Variants in CPVL observed in about 807,000 individuals in gnomAD.
The protein encoded by CPVL is probable serine carboxypeptidase CPVL.
CPVL carries 51 observed loss-of-function variants against 63.7 expected under a neutral mutation model. The observed-to-expected ratio is 0.80, with a 90% CI of 0.64 to 1.01. The LOEUF (loss-of-function observed/expected upper bound fraction) is 1.01. CPVL is among the 50% of genes least tolerant of loss of function. The pLI, the probability that CPVL is intolerant of heterozygous loss-of-function variation, is 0.00. For missense variants in CPVL, 530 were observed against 573.1 expected (o/e 0.92, Z 0.77); for synonymous variants, 195 against 206.0 (o/e 0.95, Z 0.46).
rs73091938 is a variant in CPVL, at chr7:29,029,350, C to T, written c.1320+1227G>A. 2.8e-3 allele frequency among the ~76,000 whole-genome samples: 429 copies of T among 152,270 alleles called. 1 individual carries two copies. The highest frequency in any genetic ancestry group is 9.7e-3 in the African/African-American group (404 of 41,556). The stretch of plus-strand genomic sequence containing the variant: ...TCAGTATATTAAAGGAATATCTGCA[C>T]GCCATGTTTATCATAGTACTATTCA... On this transcript the variant is annotated intron_variant, in intron 12 of 12. Transcript: ENST00000265394.
At chr7:29,031,384 G>C (rs936716085) in intron 11 of CPVL, among the ~76,000 whole-genome samples, 6 of 152,088 alleles carry the variant, frequency 3.9e-5, no homozygotes, top group African/African-American at 1.4e-4. Flanking sequence ...TTTCTTCCTA[G>C]AATACAATTT....
At chr7:29,148,985 G>T (rs1793177763), upstream of CPVL, among the ~76,000 whole-genome samples, 1 of 152,054 alleles carries the variant, frequency 6.6e-6, no homozygotes, top group Admixed American at 6.6e-5. Context: ...GGCAGCACAG[G>T]CAATGAGCAG....
upstream of CPVL, chr7:29,146,924 A>G: frequency 6.4e-7 from 1 of 1,551,200 alleles, no homozygotes; most frequent in Non-Finnish European, 8.7e-7. Context: ...AAGGCAACAC[A>G]CGTTCGCTGA....
In CPVL at chr7:29,092,626, T is replaced by C. The variant is rs1315559852; in HGVS notation, c.539A>G (p.Tyr180Cys). The C allele has an allele frequency of 1.2e-6, 2 of 1,611,064 alleles. No individual in the cohort carries two copies. Among genetic ancestry groups the C allele is most frequent in the Non-Finnish European group, 1.7e-6 (2 of 1,177,312 alleles). The part of the protein sequence containing the change: ...VNEDDVARDL[Y>C]SALIQFFQIF... ...AGAGAAAGCAGGAGCATTTTACCTG[T>C]ATAAATCCCGTGCTACATCGTCCTC... is the stretch of plus-strand genomic sequence containing the variant. Residue 180 changes from tyrosine (Y) to cysteine (C), a missense_variant, in exon 6 of 13, where the codon TAC (tyrosine) becomes TGC (cysteine). Physicochemically the swap from Tyr to Cys is radical, Grantham distance 194 (BLOSUM62 -2). Transcript: ENST00000265394.
chr7:29,028,997 T>C (rs1253833729), intron 12 of CPVL, among the ~76,000 whole-genome samples: 1 of 141,446 alleles, frequency 7.1e-6, no homozygotes, highest in Middle Eastern at 4.0e-3. Context: ...GAGAAAAGGA[T>C]CTTAATAGAC....
At chr7:29,159,790 C>T (rs1294723529) in intron 5 of CPVL, among the ~76,000 whole-genome samples, 1 of 152,162 alleles carries the variant, frequency 6.6e-6, no homozygotes, top group Non-Finnish European at 1.5e-5. Flanking sequence ...ATGTAATTCA[C>T]TCATTCTTAT....
chr7:29,026,887 T>A (rs910994165), intron 12 of CPVL, among the ~76,000 whole-genome samples: 1 of 152,132 alleles, frequency 6.6e-6, no homozygotes, highest in Non-Finnish European at 1.5e-5. Flanking sequence ...CTGGATGACT[T>A]TTCTGCCAAA....
At chr7:29,151,703 C>T (rs1793619059) in intron 5 of CPVL, among the ~76,000 whole-genome samples, 1 of 152,186 alleles carries the variant, frequency 6.6e-6, no homozygotes, top group African/African-American at 2.4e-5. Context: ...TAGGAGTAGA[C>T]CGATGGCATC....
At chr7:29,083,700 C>T (rs1263204963) in intron 7 of CPVL, among the ~76,000 whole-genome samples, 1 of 152,184 alleles carries the variant, frequency 6.6e-6, no homozygotes, top group Non-Finnish European at 1.5e-5. Flanking sequence ...CCAGGTCCAG[C>T]CACACCTGAC....
intron 5 of CPVL, among the ~76,000 whole-genome samples, chr7:29,156,857 A>G (rs1794448265): frequency 6.6e-6 from 1 of 152,210 alleles, no homozygotes; most frequent in African/African-American, 2.4e-5. Context: ...TCTATCTAGC[A>G]AAATCTGCCT....
chr7:29,194,925 G>GC (rs774157012), intron 1 of CPVL: 14 of 1,556,352 alleles, frequency 9.0e-6, no homozygotes, highest in Non-Finnish European at 9.5e-6. Flanking sequence ...GAGCAGCGAC[G>GC]CGAGGGGCGC....
intron 1 of CPVL, among the ~76,000 whole-genome samples, chr7:29,135,580 C>G (rs1233990010): frequency 1.3e-5 from 2 of 152,162 alleles, no homozygotes; most frequent in Non-Finnish European, 2.9e-5. Context: ...GATCCACCCA[C>G]CTCAGCCTCC....
chr7:29,097,548 T>C (rs1033816654), intron 3 of CPVL, among the ~76,000 whole-genome samples: 1 of 152,030 alleles, frequency 6.6e-6, no homozygotes, highest in Non-Finnish European at 1.5e-5. Flanking sequence ...TACAAAAAAT[T>C]AGCTGGGCGT....
chr7:28,995,734 C>T lies in CPVL; in HGVS notation c.*38G>A. 1 of 1,194,972 alleles carries T rather than the reference C, an allele frequency of 8.4e-7. No homozygotes were observed. Among genetic ancestry groups the T allele is most frequent in the Non-Finnish European group, 1.2e-6 (1 of 831,424 alleles). The allele number at this position is 1,194,972 out of a possible 1,614,324, so 74.0% of individuals were successfully genotyped here. A position where few individuals can be genotyped will look rare whatever the true frequency, so the allele number is the denominator to read the frequency against. On this transcript the variant is annotated 3_prime_UTR_variant, in exon 13 of 13. Transcript: ENST00000265394. ...TCTGTTTTTACGATTTTCTTTTCAG[C>T]AATGAAAACCTCTGATGTTCTCTTT...
At chr7:29,013,680 C>T (rs570958277) in intron 12 of CPVL, among the ~76,000 whole-genome samples, 1 of 152,218 alleles carries the variant, frequency 6.6e-6, no homozygotes, top group African/African-American at 2.4e-5. Flanking sequence ...ATCTGGGTGG[C>T]CTTTGTGGTA....
chr7:29,148,805 T>A (rs1230951791), upstream of CPVL: 2 of 152,188 alleles, frequency 1.3e-5, no homozygotes, highest in African/African-American at 4.8e-5. Flanking sequence ...GACACACAGA[T>A]TGATCCCATC....
intron 1 of CPVL, among the ~76,000 whole-genome samples, chr7:29,186,764 G>C (rs558159846): frequency 6.6e-6 from 1 of 152,030 alleles, no homozygotes; most frequent in Non-Finnish European, 1.5e-5. Flanking sequence ...GAAATTTCAA[G>C]TAAAAACTAA....
At chr7:29,195,038 A>T (rs769480060) in intron 1 of CPVL, 1 of 1,561,932 alleles carries the variant, frequency 6.4e-7, no homozygotes, top group Non-Finnish European at 8.7e-7. Context: ...GTCTCGCCCC[A>T]CTGCCCTCGC....
At chr7:29,107,886 C>T (rs1787875646) in intron 3 of CPVL, among the ~76,000 whole-genome samples, 1 of 152,196 alleles carries the variant, frequency 6.6e-6, no homozygotes, top group South Asian at 2.1e-4. Context: ...ACGCCTTCAC[C>T]CCCAGGAAGG....
Sources: allele counts gnomAD v4.1 joint callset (sites outside exome capture counted in the v4.1 genomes callset), GRCh38; gene constraint gnomAD v4.1.1; transcripts MANE v1.5; gene names NCBI Gene and HGNC (gene_info 2026-07-23, HGNC 2026-07-21).